HSPA8: variants seen among roughly 807,000 people sequenced by gnomAD.
The protein encoded by HSPA8 is heat shock protein family A (Hsp70) member 8, also known as heat shock cognate 71 kDa protein.
A neutral mutation model predicts 52.8 loss-of-function variants in HSPA8; 2 were observed. The ratio of observed to expected loss-of-function variants is 0.04; its 90% CI spans 0.02 to 0.12. The LOEUF is 0.12. Among genes scored for constraint, HSPA8 ranks in the 10% least tolerant of loss-of-function variants. HSPA8 has a pLI of 1.00. For synonymous variants in HSPA8, 436 were observed against 274.0 expected, an observed-to-expected ratio of 1.59 and a Z score of -5.84; for missense variants, 349 against 800.5, an observed-to-expected ratio of 0.44 and a Z score of 6.81.
At chr11:123,058,930 G>A (rs773513797) in intron 6 of HSPA8, 100 bp from the exon 7 acceptor site, 14 of 1,398,524 alleles carry the variant, frequency 1.0e-5, no homozygotes, top group African/African-American at 5.7e-5. Flanking sequence ...TCCAAGGAAG[G>A]AACTGGCCAA....
In HSPA8 at chr11:123,059,281, C is replaced by G. The variant is rs752066770; in HGVS notation, c.1121-20G>C. The stretch of plus-strand genomic sequence containing the variant: ...GGACAGCTAGCAAACAAAAAGTTAA[C>G]GTTAAAAGAAGTTAAAAGAAAACCC... On this transcript the variant is annotated intron_variant, in intron 5 of 8. Coordinates refer to ENST00000534624, the MANE Select transcript of HSPA8 (RefSeq NM_006597.6). 1 of 1,602,034 alleles carries G rather than the reference C, an allele frequency of 6.2e-7. No individual in the cohort carries two copies. The highest frequency in any genetic ancestry group is 2.2e-5 in the East Asian group (1 of 44,732).
chr11:123,061,062 A>C, intron 2 of HSPA8, 58 bp downstream of exon 2: 1 of 1,468,008 alleles, frequency 6.8e-7, no homozygotes, highest in South Asian at 1.2e-5. Flanking sequence ...CGTTTCATAA[A>C]CTTTTGTGCT....
chr11:123,060,260 G>A lies in HSPA8; in HGVS notation c.420C>T (p.Thr140=). The A allele has an allele frequency of 1.2e-6, 2 of 1,613,236 alleles. No individual in the cohort carries two copies. The highest frequency in any genetic ancestry group is 2.2e-5 in the East Asian group (1 of 44,882). Residue 140 remains threonine, a synonymous_variant, in exon 4 of 9, where the codon ACC becomes ACT. Transcript: ENST00000534624. ...AAGCTGGCACTGTGACCACAGCATT[G>A]GTAACAGTCTAGGAATAAGGAAAAG... The part of the protein sequence containing the change: ...IAEAYLGKTV[T]NAVVTVPAYF...
chr11:123,058,930 G>C (rs773513797), intron 6 of HSPA8, 100 bp from the exon 7 acceptor site: 10 of 1,398,524 alleles, frequency 7.2e-6, no homozygotes, highest in South Asian at 1.2e-5. Context: ...TCCAAGGAAG[G>C]AACTGGCCAA....
rs1865381740 is a variant in HSPA8 at position 123,058,391 on chromosome 11, T to C, written c.1616A>G (p.Lys539Arg). ...DEKQRDKVSS[K>R]NSLESYAFNM... ...GAAGGCATAGGACTCAAGTGAATTC[T>C]TGGATGACACCTTGTCCCTCTGCTT... The change falls in exon 8 of 9, where the codon AAG (lysine) becomes AGG (arginine). Residue 539 changes from lysine to arginine, a missense_variant. By Grantham distance (26) the Lys-to-Arg change is conservative (BLOSUM62 2). Transcript: ENST00000534624. 22 of 1,613,984 alleles carry C rather than the reference T, an allele frequency of 1.4e-5. No individual in the cohort carries two copies. The highest frequency in any genetic ancestry group is 1.9e-5 in the Non-Finnish European group (22 of 1,179,892).
intron 1 of HSPA8, chr11:123,061,652 C>T (rs1304026005): frequency 7.4e-6 from 3 of 402,744 alleles, no homozygotes; most frequent in Non-Finnish European, 1.4e-5. Flanking sequence ...AGTCAACGGG[C>T]TTTTAACTAC....
intron 2 of HSPA8, 136 bp downstream of exon 2, chr11:123,060,984 G>C: frequency 1.1e-6 from 1 of 929,400 alleles, no homozygotes; most frequent in South Asian, 1.6e-5. Flanking sequence ...TCTACAACCT[G>C]TTTTATAACA....
chr11:123,058,891 CCTG>C (rs1865398780), intron 6 of HSPA8, 61 bp from the exon 7 acceptor site: 1 of 1,520,032 alleles, frequency 6.6e-7, no homozygotes, highest in African/African-American at 1.4e-5. Context: ...GTGCTAGGGT[CCTG>C]CTAAGGAAGA....
intron 5 of HSPA8, 104 bp downstream of exon 5, chr11:123,059,369 T>C: frequency 2.2e-6 from 3 of 1,377,686 alleles, no homozygotes; most frequent in Non-Finnish European, 3.0e-6. Flanking sequence ...TTGCCATCAT[T>C]AGCCAAGCTT....
At chr11:123,060,092 A>C in intron 4 of HSPA8, 24 bp downstream of exon 4, 1 of 1,614,086 alleles carries the variant, frequency 6.2e-7, no homozygotes, top group Non-Finnish European at 8.5e-7. Flanking sequence ...AATAATCCGA[A>C]CTTGCATCAC....
At chr11:123,059,396 ATG>A (rs1254364386) in intron 5 of HSPA8, 75 bp downstream of exon 5, 1 of 1,372,246 alleles carries the variant, frequency 7.3e-7, no homozygotes, top group Non-Finnish European at 1.0e-6. Context: ...GAAACTACGA[ATG>A]TTTAACAATC....
intron 6 of HSPA8, 82 bp downstream of exon 6, chr11:123,058,977 G>A (rs1182152348): frequency 7.0e-7 from 1 of 1,435,044 alleles, no homozygotes. Flanking sequence ...AATGGTTTTG[G>A]AATCCATCAT....
chr11:123,059,013 TTTATCTG>T (rs1277289801), intron 6 of HSPA8, 39 bp downstream of exon 6: 2 of 1,544,678 alleles, frequency 1.3e-6, no homozygotes, highest in Admixed American at 3.3e-5. Flanking sequence ...AAGACTTCCC[TTTATCTG>T]TTATCAGTAA....
Position 123,062,107 on chromosome 11 carries a change from A to G in HSPA8, c.-49T>C, listed in dbSNP as rs567317909. ...TCCAATAACGAAGGAAGCCACAAAA[A>G]ACCCAAGAGCTGCAGGCGAGTTCAA... On this transcript the variant is annotated 5_prime_UTR_variant, in exon 1 of 9. Transcript: ENST00000534624. 13 of 152,666 alleles carry G rather than the reference A, an allele frequency of 8.5e-5. No homozygotes were observed. Among genetic ancestry groups the G allele is most frequent in the Middle Eastern group, 3.4e-3 (1 of 296 alleles). The allele number at this position is 152,666 out of a possible 1,614,324, so 9.5% of individuals were successfully genotyped here. A position where few individuals can be genotyped will look rare whatever the true frequency, so the allele number is the denominator to read the frequency against.
rs761855165 is a variant in HSPA8 at position 123,059,864 on chromosome 11, A to G, written c.729T>C (p.Ala243=). The G allele has an allele frequency of 2.5e-6, 4 of 1,613,402 alleles. No individual in the cohort carries two copies. Among genetic ancestry groups the G allele is most frequent in the Admixed American group, 1.7e-5 (1 of 59,988 alleles). ...CCTTCTTATGCTTGCGCTTAAACTC[A>G]GCAATAAAATGGTTGACCATTCGGT... is the stretch of plus-strand genomic sequence containing the variant. ...FDNRMVNHFI[A]EFKRKHKKDI... The change falls in exon 5 of 9, where the codon GCT becomes GCC. Residue 243 remains alanine, a synonymous_variant. Transcript: ENST00000534624.
chr11:123,059,405 A>C (rs751521507), intron 5 of HSPA8, 68 bp downstream of exon 5: 7 of 1,436,548 alleles, frequency 4.9e-6, no homozygotes, highest in Non-Finnish European at 6.8e-6. Flanking sequence ...AATGTTTAAC[A>C]ATCACTCATC....
At chr11:123,060,363 G>C (rs1865455779) in intron 3 of HSPA8, 95 bp from the exon 4 acceptor site, 1 of 1,231,022 alleles carries the variant, frequency 8.1e-7, no homozygotes. Context: ...AGAACAGCTG[G>C]AGCACCCCCC....
At chr11:123,058,891 C>T in intron 6 of HSPA8, 61 bp from the exon 7 acceptor site, 1 of 1,520,150 alleles carries the variant, frequency 6.6e-7, no homozygotes, top group Non-Finnish European at 9.1e-7. Context: ...GTGCTAGGGT[C>T]CTGCTAAGGA....
rs76450893 is a variant in HSPA8, at chr11:123,058,990, T to A, written c.1323+69A>T. 279 of 1,467,090 alleles carry A rather than the reference T, an allele frequency of 1.9e-4. 2 individuals carry two copies. The African/African-American group carries it at 3.5e-3, about 19-fold the overall frequency. The allele number at this position is 1,467,090 out of a possible 1,614,324, so 90.9% of individuals were successfully genotyped here. On this transcript the variant is annotated intron_variant, in intron 6 of 8. Coordinates refer to ENST00000534624, the MANE Select transcript of HSPA8 (RefSeq NM_006597.6). ...CGAATGGTTTTGGAATCCATCATCA[T>A]AGCGAGTCAGTCAAGACTTCCCTTT...
Sources: gnomAD v4.1 joint callset for allele counts on GRCh38, gnomAD v4.1.1 for gene constraint, MANE v1.5 for transcripts, NCBI Gene and HGNC (gene_info 2026-07-23, HGNC 2026-07-21) for gene names.